RNGTT: variants seen among roughly 807,000 people sequenced by gnomAD.
RNGTT encodes the protein mRNA-capping enzyme.
Under a neutral mutation model 79.3 loss-of-function variants are expected in RNGTT, and 33 were observed. That is an observed-to-expected ratio of 0.42 (90% confidence interval 0.32 to 0.56). The LOEUF (loss-of-function observed/expected upper bound fraction) is 0.56, where lower values mean the gene tolerates loss of function less well. Ranked by LOEUF, RNGTT falls within the 20% of genes least tolerant of loss-of-function variation. The pLI is 0.17. For missense variants in RNGTT, 497 were observed against 739.1 expected (o/e 0.67, Z 3.80); for synonymous variants, 222 against 235.9 (o/e 0.94, Z 0.54).
chr6:88,614,867 T>C (rs955122300), intron 14 of RNGTT, among the ~76,000 whole-genome samples: 14 of 152,220 alleles, frequency 9.2e-5, no homozygotes, highest in Non-Finnish European at 7.4e-5. Flanking sequence ...AATACTAGGA[T>C]CAAATTCAGG....
intron 2 of RNGTT, among the ~76,000 whole-genome samples, chr6:88,937,274 A>G (rs1362205530): frequency 6.6e-6 from 1 of 152,072 alleles, no homozygotes; most frequent in Non-Finnish European, 1.5e-5. Context: ...TGAACCTGGG[A>G]GTGGAGGTCA....
intron 14 of RNGTT, among the ~76,000 whole-genome samples, chr6:88,676,592 A>G (rs1195406919): frequency 6.6e-6 from 1 of 152,226 alleles, no homozygotes; most frequent in Non-Finnish European, 1.5e-5. Context: ...AACTTCATCA[A>G]TACTAAGAAC....
intron 14 of RNGTT, among the ~76,000 whole-genome samples, chr6:88,624,079 A>C (rs919356795): frequency 2.6e-5 from 4 of 152,002 alleles, no homozygotes; most frequent in Non-Finnish European, 4.4e-5. Context: ...AATACTGATG[A>C]AAGAAAGAAA....
At chr6:88,728,655 T>C (rs532388532) in intron 13 of RNGTT, among the ~76,000 whole-genome samples, 53 of 152,338 alleles carry the variant, frequency 3.5e-4, no homozygotes, top group Middle Eastern at 6.8e-3. Context: ...TAAGCCAGTT[T>C]TATGATATGG....
At chr6:88,640,764 T>A (rs1301397356) in intron 14 of RNGTT, among the ~76,000 whole-genome samples, 2 of 152,106 alleles carry the variant, frequency 1.3e-5, no homozygotes, top group Non-Finnish European at 2.9e-5. Flanking sequence ...GCTGTGACAT[T>A]ACAGTTCACC....
intron 9 of RNGTT, 56 bp downstream of exon 9, chr6:88,853,573 C>A: frequency 2.7e-6 from 3 of 1,130,590 alleles, no homozygotes; most frequent in South Asian, 1.6e-5. Flanking sequence ...CATTTACTTA[C>A]AAGGAAAAGA....
At chr6:88,759,964 A>T (rs1337304527) in intron 13 of RNGTT, among the ~76,000 whole-genome samples, 1 of 152,222 alleles carries the variant, frequency 6.6e-6, no homozygotes, top group Non-Finnish European at 1.5e-5. Context: ...AAGGTAACTT[A>T]GAGAAATTGC....
At chr6:88,912,240 C>CA (rs780443086) in intron 4 of RNGTT, among the ~76,000 whole-genome samples, 3,632 of 140,328 alleles carry the variant, frequency 0.026, 91 homozygotes, top group African/African-American at 0.075. Flanking sequence ...CCATCTCTAC[C>CA]AAAAAAAAAA....
chr6:88,785,816 A>G (rs1049980122), intron 12 of RNGTT, among the ~76,000 whole-genome samples: 12 of 152,196 alleles, frequency 7.9e-5, no homozygotes, highest in African/African-American at 2.4e-4. Flanking sequence ...TATACCTGGC[A>G]GTAGTAAAGA....
intron 12 of RNGTT, among the ~76,000 whole-genome samples, chr6:88,771,867 G>A (rs2127844120): frequency 6.6e-6 from 1 of 152,170 alleles, no homozygotes; most frequent in South Asian, 2.1e-4. Flanking sequence ...GAAAAAAAAG[G>A]AAAGGACATT....
chr6:88,894,304 C>CACCT (rs1185177466), intron 6 of RNGTT, among the ~76,000 whole-genome samples: 4 of 152,132 alleles, frequency 2.6e-5, no homozygotes, highest in Non-Finnish European at 5.9e-5. Context: ...CTCAGGGCAT[C>CACCT]ACCTCTCACA....
At chr6:88,698,237 T>TATATATC (rs1450709785) in intron 13 of RNGTT, among the ~76,000 whole-genome samples, 21 of 111,646 alleles carry the variant, frequency 1.9e-4, no homozygotes, top group African/African-American at 9.0e-4. Context: ...ATATATGAAA[T>TATATATC]ATATATATGA....
At position 88,615,272 on chromosome 6, in the gene RNGTT, A is replaced by T. The variant is rs986535469; in HGVS notation, c.1507-877T>A. Among the ~76,000 whole-genome samples the T allele has an allele frequency of 1.7e-4, 26 of 152,304 alleles. No individual in the cohort carries two copies. The Middle Eastern group carries it at 0.01, about 60-fold the overall frequency. On this transcript the variant is annotated intron_variant, in intron 14 of 15. Coordinates refer to ENST00000369485, the MANE Select transcript of RNGTT (RefSeq NM_003800.5). ...ACTGCAATCATTTAACTTCATTAGC[A>T]TTATCTGAAACATTCTCATTTTTCT...
intron 13 of RNGTT, among the ~76,000 whole-genome samples, chr6:88,705,035 A>C (rs1776084453): frequency 6.6e-6 from 1 of 152,174 alleles, no homozygotes; most frequent in South Asian, 2.1e-4. Flanking sequence ...GTAGTAAAGT[A>C]GTCTTCTCAT....
chr6:88,844,788 C>T (rs1055106952), intron 10 of RNGTT, among the ~76,000 whole-genome samples: 1 of 151,442 alleles, frequency 6.6e-6, no homozygotes, highest in Non-Finnish European at 1.5e-5. Flanking sequence ...GTAAGTTGAT[C>T]GAAATATTTC....
intron 11 of RNGTT, among the ~76,000 whole-genome samples, chr6:88,803,757 T>C (rs964536866): frequency 5.3e-5 from 8 of 151,990 alleles, no homozygotes; most frequent in Non-Finnish European, 1.0e-4. Flanking sequence ...CAAGTTAACA[T>C]GGTAGTTTCC....
chr6:88,888,003 G>A (rs1336230409), intron 8 of RNGTT, among the ~76,000 whole-genome samples: 6 of 152,276 alleles, frequency 3.9e-5, no homozygotes, highest in African/African-American at 1.2e-4. Flanking sequence ...TGTAATCCCA[G>A]CGACTCTGGA....
At chr6:88,904,574 A>C in intron 6 of RNGTT, 141 bp downstream of exon 6, 1 of 867,696 alleles carries the variant, frequency 1.2e-6, no homozygotes, top group Non-Finnish European at 1.6e-6. Flanking sequence ...AAAAAAAAAA[A>C]TTTTTTTTTT....
intron 14 of RNGTT, among the ~76,000 whole-genome samples, chr6:88,641,111 C>A (rs774493889): frequency 6.6e-6 from 1 of 152,016 alleles, no homozygotes; most frequent in African/African-American, 2.4e-5. Context: ...GAGGCCAAGG[C>A]GGGTGGATCA....
Sources: gnomAD v4.1 joint callset for allele counts (sites outside exome capture counted in the v4.1 genomes callset) on GRCh38, gnomAD v4.1.1 for gene constraint, MANE v1.5 for transcripts, NCBI Gene and HGNC (gene_info 2026-07-23, HGNC 2026-07-21) for gene names.